The following FSTL4 variants were observed in gnomAD, a reference collection of about 807,000 sequenced individuals.
FSTL4 encodes the protein follistatin like 4, also known as follistatin-related protein 4.
A neutral mutation model predicts 78.2 loss-of-function variants in FSTL4; 28 were observed. The ratio of observed to expected loss-of-function variants is 0.36; its 90% CI spans 0.27 to 0.49. The LOEUF (loss-of-function observed/expected upper bound fraction) is 0.49, where lower values mean the gene tolerates loss of function less well. Among genes scored for constraint, FSTL4 ranks in the 20% least tolerant of loss-of-function variants. FSTL4 has a pLI of 0.98. For synonymous variants in FSTL4, 422 were observed against 440.5 expected, an observed-to-expected ratio of 0.96 and a Z score of 0.53; for missense variants, 922 against 1,084.9, an observed-to-expected ratio of 0.85 and a Z score of 2.11.
intron 8 of FSTL4, among the ~76,000 whole-genome samples, chr5:133,233,037 G>A (rs1037390517): frequency 6.6e-6 from 1 of 152,220 alleles, no homozygotes; most frequent in Non-Finnish European, 1.5e-5. Flanking sequence ...CACCTGGAAG[G>A]AGTGGTGGAT....
At chr5:133,519,260 G>A (rs1389605425) in intron 3 of FSTL4, among the ~76,000 whole-genome samples, 1 of 152,180 alleles carries the variant, frequency 6.6e-6, no homozygotes, top group African/African-American at 2.4e-5. Context: ...CCACCCCAGG[G>A]CTTCTCTTCT....
the FSTL4 span, among the ~76,000 whole-genome samples, chr5:133,803,386 G>A: frequency 1.3e-5 from 2 of 152,098 alleles, no homozygotes; most frequent in African/African-American, 4.8e-5. Context: ...CTAGAAGAAG[G>A]GAAATCACAG....
At chr5:133,704,141 C>T in the FSTL4 span, among the ~76,000 whole-genome samples, 2 of 152,150 alleles carry the variant, frequency 1.3e-5, no homozygotes, top group Non-Finnish European at 2.9e-5. Context: ...TGACTGGTAG[C>T]AGAGGGCCCT....
chr5:133,753,324 C>T, the FSTL4 span, among the ~76,000 whole-genome samples: 2,052 of 152,242 alleles, frequency 0.013, 51 homozygotes, highest in African/African-American at 0.047. Context: ...CACAAAAGCC[C>T]CAGATGGGCA....
intron 13 of FSTL4, among the ~76,000 whole-genome samples, chr5:133,213,967 G>A (rs747857079): frequency 3.9e-5 from 6 of 152,192 alleles, no homozygotes; most frequent in Non-Finnish European, 8.8e-5. Context: ...ACTAGTGTTA[G>A]ACAATAGATT....
chr5:133,234,530 C>T (rs1475148070), intron 7 of FSTL4, among the ~76,000 whole-genome samples: 2 of 152,224 alleles, frequency 1.3e-5, no homozygotes, highest in Non-Finnish European at 2.9e-5. Context: ...CAACTACAGA[C>T]ATGCCAGGAA....
At chr5:133,303,518 G>A (rs1270366267) in intron 6 of FSTL4, among the ~76,000 whole-genome samples, 2 of 152,212 alleles carry the variant, frequency 1.3e-5, no homozygotes, top group Non-Finnish European at 2.9e-5. Flanking sequence ...GCTTCTGAGT[G>A]CCCTGGCCCT....
chr5:133,399,690 C>T (rs1280789435), intron 4 of FSTL4, among the ~76,000 whole-genome samples: 4 of 152,218 alleles, frequency 2.6e-5, no homozygotes, highest in African/African-American at 2.4e-5. Flanking sequence ...ACTGCTCTCA[C>T]GCCTTTGTCT....
the FSTL4 span, among the ~76,000 whole-genome samples, chr5:133,736,238 A>G: frequency 2.0e-5 from 3 of 152,216 alleles, no homozygotes; most frequent in Non-Finnish European, 4.4e-5. Context: ...AGGGACTAGA[A>G]GAGGCAGAAC....
chr5:133,469,495 A>G (rs1308198658), intron 3 of FSTL4, among the ~76,000 whole-genome samples: 1 of 152,168 alleles, frequency 6.6e-6, no homozygotes, highest in Non-Finnish European at 1.5e-5. Context: ...ACTGGAGGAG[A>G]TGCAGATAGT....
chr5:133,685,042 A>G, the FSTL4 span, among the ~76,000 whole-genome samples: 11 of 152,350 alleles, frequency 7.2e-5, no homozygotes, highest in South Asian at 2.3e-3. Flanking sequence ...GGTTGGTAGC[A>G]TCGAACTCTA....
intron 4 of FSTL4, among the ~76,000 whole-genome samples, chr5:133,359,880 A>G (rs574107844): frequency 5.6e-4 from 85 of 152,286 alleles, no homozygotes; most frequent in African/African-American, 1.9e-3. Context: ...CCGGGGAGCC[A>G]AGGAGGCCAG....
the FSTL4 span, among the ~76,000 whole-genome samples, chr5:133,789,648 G>T: frequency 6.6e-6 from 1 of 152,198 alleles, no homozygotes; most frequent in East Asian, 1.9e-4. Flanking sequence ...CCACCGACTG[G>T]GTGGCTTAAA....
chr5:133,741,554 G>T, the FSTL4 span, among the ~76,000 whole-genome samples: 3 of 152,230 alleles, frequency 2.0e-5, no homozygotes, highest in Non-Finnish European at 4.4e-5. Context: ...CAGGGAATGG[G>T]AGCGGGGGCA....
intron 3 of FSTL4, among the ~76,000 whole-genome samples, chr5:133,501,847 G>A (rs1758504339): frequency 6.6e-6 from 1 of 152,182 alleles, no homozygotes; most frequent in African/African-American, 2.4e-5. Context: ...ATCAAGTAAA[G>A]ATGAGGCCAT....
Position 133,440,783 on chromosome 5 carries a change from G to A in FSTL4, c.161-39797C>T, listed in dbSNP as rs748728520. ...GTTTCAGGCAGGACATGAGAACCAC[G>A]CCCCCAGCCCTCACCCACCACTTCT... On this transcript the variant is annotated intron_variant, in intron 3 of 15. Transcript: ENST00000265342. The surrounding 1 kb of genome is among the most constrained non-coding windows in gnomAD (Gnocchi z 4.1). 7.2e-5 allele frequency among the ~76,000 whole-genome samples: 11 copies of A among 152,106 alleles called. No individual in the cohort carries two copies. The highest frequency in any genetic ancestry group is 1.2e-4 in the African/African-American group (5 of 41,410).
rs538028401 is a variant in FSTL4 at position 133,398,348 on chromosome 5, G to T, written c.409+2390C>A. On this transcript the variant is annotated intron_variant, in intron 4 of 15. Coordinates refer to ENST00000265342, the MANE Select transcript of FSTL4 (RefSeq NM_015082.2). Reference sequence around the variant, plus strand: ...TTTCCACTGGAGTCCAGACCCAAGAGGCCATCTGCAGAAAGAGAAGCCCTG... The same window carrying T: ...TTTCCACTGGAGTCCAGACCCAAGATGCCATCTGCAGAAAGAGAAGCCCTG... Among the ~76,000 whole-genome samples the T allele has an allele frequency of 1.1e-3, 160 of 152,276 alleles. 1 individual carries two copies. The highest frequency in any genetic ancestry group is 6.8e-3 in the Middle Eastern group (2 of 294).
chr5:133,438,876 A>T (rs1757091619), intron 3 of FSTL4, among the ~76,000 whole-genome samples: 1 of 152,216 alleles, frequency 6.6e-6, no homozygotes, highest in African/African-American at 2.4e-5. Flanking sequence ...GGGTTATGTG[A>T]GAAACAACTT....
At chr5:133,808,154 A>G in the FSTL4 span, among the ~76,000 whole-genome samples, 2 of 152,226 alleles carry the variant, frequency 1.3e-5, no homozygotes, top group African/African-American at 4.8e-5. Flanking sequence ...CAAATATTTT[A>G]TTTTTCCCCA....
Sources: allele counts gnomAD v4.1 joint callset (sites outside exome capture counted in the v4.1 genomes callset), GRCh38; gene constraint gnomAD v4.1.1; non-coding constraint Gnocchi (gnomAD v3.1); transcripts MANE v1.5; gene names NCBI Gene and HGNC (gene_info 2026-07-23, HGNC 2026-07-21).